NBEAL1: variants seen among roughly 807,000 people sequenced by gnomAD.
The protein encoded by NBEAL1 is neurobeachin like 1, also known as neurobeachin-like protein 1.
A neutral mutation model predicts 351.3 loss-of-function variants in NBEAL1; 273 were observed. That is an observed-to-expected ratio of 0.78 (90% CI 0.70 to 0.86). The LOEUF is 0.86. Ranked by LOEUF, NBEAL1 falls within the 40% of genes least tolerant of loss-of-function variation. The pLI is 0.00. For missense variants in NBEAL1, 2,961 were observed against 3,201.3 expected, an observed-to-expected ratio of 0.92 and a Z score of 1.81; for synonymous variants, 1,050 against 1,086.4, an observed-to-expected ratio of 0.97 and a Z score of 0.66.
intron 42 of NBEAL1, among the ~76,000 whole-genome samples, chr2:203,176,258 G>A (rs116418947): frequency 0.015 from 2,211 of 148,592 alleles, 26 homozygotes; most frequent in Middle Eastern, 0.048. Flanking sequence ...ACTGAGATGC[G>A]TGTGGTGTGG....
At chr2:203,152,362 A>C (rs2063678518) in intron 35 of NBEAL1, among the ~76,000 whole-genome samples, 1 of 151,602 alleles carries the variant, frequency 6.6e-6, no homozygotes, top group Admixed American at 6.6e-5. Context: ...GAAAAAAAAA[A>C]AAAACTACTT....
chr2:203,084,661 T>G lies in NBEAL1; in HGVS notation c.1098+92T>G, dbSNP rs2061931932. 1.3e-5 allele frequency: 8 copies of G among 602,602 alleles called. No individual in the cohort carries two copies. In the East Asian group the frequency reaches 2.7e-4, roughly 20 times the overall value. The allele number at this position is 602,602 out of a possible 1,614,324, so 37.3% of individuals were successfully genotyped here. On this transcript the variant is annotated intron_variant, in intron 10 of 55. Transcript: ENST00000683969. The stretch of plus-strand genomic sequence containing the variant: ...CATTTGAACATATTTTTACTAATTT[T>G]TATACTTAATCTCTGTTTGCATTTA...
chr2:203,025,694 A>G (rs993218388), intron 2 of NBEAL1, among the ~76,000 whole-genome samples: 2 of 152,146 alleles, frequency 1.3e-5, no homozygotes, highest in Admixed American at 1.3e-4. Flanking sequence ...TATAGATCCA[A>G]TTGTGGTTTT....
At chr2:203,207,103 C>T (rs1466643513) in intron 51 of NBEAL1, among the ~76,000 whole-genome samples, 1 of 148,134 alleles carries the variant, frequency 6.8e-6, no homozygotes, top group Non-Finnish European at 1.5e-5. Flanking sequence ...CGTCTCTGCC[C>T]GGCCGCCCCG....
At chr2:203,031,263 C>G (rs2060944958) in intron 2 of NBEAL1, among the ~76,000 whole-genome samples, 1 of 152,148 alleles carries the variant, frequency 6.6e-6, no homozygotes, top group African/African-American at 2.4e-5. Context: ...TTGAGAGTAT[C>G]TCTCATTTTC....
In NBEAL1 at chr2:203,107,876, C is replaced by T. The variant is rs2062471333; in HGVS notation, c.1637C>T (p.Ser546Phe). The part of the protein sequence containing the change: ...CAENLIAIHG[S>F]LGSQSVSSEE... ...GAGAACTTGATTGCAATCCATGGTT[C>T]CTTGGGGAGTCAGTCAGTGAGCTCA... The change falls in exon 14 of 56, where the codon TCC becomes TTC. Residue 546 changes from serine (S) to phenylalanine (F), a missense_variant. Ser to Phe is a radical substitution (Grantham distance 155). Transcript: ENST00000683969. 1 of 1,554,112 alleles carries T rather than the reference C, an allele frequency of 6.4e-7. No individual in the cohort carries two copies. The highest frequency in any genetic ancestry group is 1.2e-5 in the South Asian group (1 of 84,290).
At chr2:203,040,722 C>A in intron 2 of NBEAL1, 1 of 600,398 alleles carries the variant, frequency 1.7e-6, no homozygotes, top group South Asian at 1.4e-5. Context: ...TCTCATAGTT[C>A]TTGCTCCCTT....
Position 203,171,972 on chromosome 2 carries a change from A to G in NBEAL1, c.6147A>G (p.Gln2049=), listed in dbSNP as rs759658161. The change falls in exon 40 of 56, where the codon CAA becomes CAG. Residue 2049 remains glutamine (Q), a synonymous_variant. Coordinates refer to ENST00000683969, the MANE Select transcript of NBEAL1 (RefSeq NM_001378026.1). The part of the protein sequence containing the change: ...REISNFDYLI[Q]INTMAGRTYN... ...TATCAAATTTTGACTACCTCATTCA[A>G]ATAAATACAATGGCAGGACGAACCT... 1 of 1,608,312 alleles carries G rather than the reference A, an allele frequency of 6.2e-7. No individual in the cohort carries two copies. The highest frequency in any genetic ancestry group is 8.5e-7 in the Non-Finnish European group (1 of 1,178,186).
intron 2 of NBEAL1, among the ~76,000 whole-genome samples, chr2:203,041,442 G>GA (rs2061140041): frequency 6.6e-6 from 1 of 152,172 alleles, no homozygotes; most frequent in African/African-American, 2.4e-5. Flanking sequence ...CTTAGGGTGG[G>GA]AGCATGTCTG....
chr2:203,202,642 T>A, intron 50 of NBEAL1, 45 bp from the exon 51 acceptor site: 1 of 1,092,114 alleles, frequency 9.2e-7, no homozygotes, highest in South Asian at 1.3e-5. Flanking sequence ...AGTTCTATTT[T>A]AGCAAAACGA....
At chr2:203,128,036 T>A in intron 24 of NBEAL1, 99 bp downstream of exon 24, 1 of 900,156 alleles carries the variant, frequency 1.1e-6, no homozygotes, top group Non-Finnish European at 1.7e-6. Flanking sequence ...ATTTTGAGAG[T>A]AAAATATGTG....
Position 203,110,200 on chromosome 2 carries a change from G to A in NBEAL1, c.2000G>A (p.Gly667Asp), listed in dbSNP as rs1404442430. Residue 667 changes from glycine to aspartate, a missense_variant, in exon 15 of 56, where the codon GGT becomes GAT. Physicochemically the swap from Gly to Asp is moderately conservative, Grantham distance 94. Coordinates refer to ENST00000683969, the MANE Select transcript of NBEAL1 (RefSeq NM_001378026.1). ...MGFEAFITHSGMLVVAVCTKR... is the reference protein window; with the variant it reads ...MGFEAFITHSDMLVVAVCTKR... Reference sequence around the variant, plus strand: ...TTTGAAGCCTTTATTACCCATTCAGGTATGTTGGTCGTGGCAGTGTGCACA... The same window carrying A: ...TTTGAAGCCTTTATTACCCATTCAGATATGTTGGTCGTGGCAGTGTGCACA... 5.1e-6 allele frequency: 8 copies of A among 1,553,400 alleles called. No individual in the cohort carries two copies. The highest frequency in any genetic ancestry group is 7.0e-6 in the Non-Finnish European group (8 of 1,147,436).
chr2:203,120,254 C>A lies in NBEAL1; in HGVS notation c.2593-2000C>A, dbSNP rs114432939. Among the ~76,000 whole-genome samples, 465 of 152,210 alleles carry A rather than the reference C, an allele frequency of 3.1e-3. 1 individual carries two copies. Among genetic ancestry groups the A allele is most frequent in the African/African-American group, 0.011 (449 of 41,548 alleles). Reference sequence around the variant, plus strand: ...AGAGGTATATGGTATTATTGGTTATCTTTTCTAAGCTTTAGTTTTCTGAAG... The same window carrying A: ...AGAGGTATATGGTATTATTGGTTATATTTTCTAAGCTTTAGTTTTCTGAAG... On this transcript the variant is annotated intron_variant, in intron 18 of 55. Coordinates refer to ENST00000683969, the MANE Select transcript of NBEAL1 (RefSeq NM_001378026.1).
intron 6 of NBEAL1, among the ~76,000 whole-genome samples, chr2:203,057,824 CTT>C (rs747730907): frequency 5.2e-5 from 7 of 133,628 alleles, no homozygotes; most frequent in African/African-American, 8.2e-5. Flanking sequence ...TTTCTTTTTT[CTT>C]TTTTTTTTTT....
At chr2:203,118,019 A>G (rs2062738779) in intron 18 of NBEAL1, among the ~76,000 whole-genome samples, 1 of 152,012 alleles carries the variant, frequency 6.6e-6, no homozygotes, top group Non-Finnish European at 1.5e-5. Context: ...TTTGTATCTG[A>G]CCTAATAAAA....
chr2:203,209,813 A>G (rs1261528252), intron 53 of NBEAL1, among the ~76,000 whole-genome samples: 1 of 150,842 alleles, frequency 6.6e-6, no homozygotes, highest in Admixed American at 6.6e-5. Flanking sequence ...CAGTGATACA[A>G]TTATAGCTCA....
At chr2:203,092,650 A>G (rs1012797915) in intron 10 of NBEAL1, among the ~76,000 whole-genome samples, 5 of 152,328 alleles carry the variant, frequency 3.3e-5, no homozygotes, top group Admixed American at 6.5e-5. Context: ...GCCTTTGTAA[A>G]TGAAACTACT....
intron 2 of NBEAL1, among the ~76,000 whole-genome samples, chr2:203,035,618 A>T (rs767531538): frequency 6.7e-6 from 1 of 149,318 alleles, no homozygotes; most frequent in African/African-American, 2.4e-5. Context: ...TTTGTGCATT[A>T]TCTCATTTAG....
At position 203,032,607 on chromosome 2, in the gene NBEAL1, C is replaced by T. The variant is rs998459565; in HGVS notation, c.52-9158C>T. Among the ~76,000 whole-genome samples the T allele has an allele frequency of 1.1e-4, 15 of 142,466 alleles. No homozygotes were observed. The Admixed American group carries it at 1.1e-3, about 10-fold the overall frequency. The allele number at this position is 142,466 out of a possible 152,430, so 93.5% of individuals were successfully genotyped here. A position where few individuals can be genotyped will look rare whatever the true frequency, so the allele number is the denominator to read the frequency against. On this transcript the variant is annotated intron_variant, in intron 2 of 55. Transcript: ENST00000683969. ...CCCGGGAGGCGGAGCTTGCAGTGAG[C>T]TGAGATCGTGCATAAGAACAAAAAC...
Sources: gnomAD v4.1 joint callset for allele counts (sites outside exome capture counted in the v4.1 genomes callset) on GRCh38, gnomAD v4.1.1 for gene constraint, MANE v1.5 for transcripts, NCBI Gene and HGNC (gene_info 2026-07-23, HGNC 2026-07-21) for gene names.